The following ABL1 variants were observed in gnomAD, a reference collection of about 807,000 sequenced individuals.
The protein encoded by ABL1 is ABL proto-oncogene 1, non-receptor tyrosine kinase.
ABL1 carries 11 observed loss-of-function variants against 94.7 expected under a neutral mutation model. The observed-to-expected ratio is 0.12, with a 90% confidence interval of 0.07 to 0.19. The LOEUF (loss-of-function observed/expected upper bound fraction) is 0.19, where lower values mean the gene tolerates loss of function less well. Among genes scored for constraint, ABL1 ranks in the 10% least tolerant of loss-of-function variants. The pLI is 1.00. For synonymous variants in ABL1, 656 were observed against 622.4 expected (o/e 1.05, Z -0.80); for missense variants, 1,082 against 1,489.4 (o/e 0.73, Z 4.50).
rs373909344 is a variant in ABL1 at position 130,813,722 on chromosome 9, G to T, written c.137-40342G>T. Among the ~76,000 whole-genome samples, 88 of 152,308 alleles carry T rather than the reference G, an allele frequency of 5.8e-4. 2 individuals carry two copies. The highest frequency in any genetic ancestry group is 1.9e-3 in the African/African-American group (79 of 41,576). On this transcript the variant is annotated intron_variant, in intron 1 of 10. Coordinates refer to the ABL1 transcript ENST00000372348. ...TCAAAGAAAATCAACAGCGAAGTAAGTAAGTATCTGGAACTGAATGAAGGT... is the reference window on the plus strand; with the variant it reads ...TCAAAGAAAATCAACAGCGAAGTAATTAAGTATCTGGAACTGAATGAAGGT...
chr9:130,751,385 C>T (rs1831965195), intron 1 of ABL1, among the ~76,000 whole-genome samples: 1 of 151,818 alleles, frequency 6.6e-6, no homozygotes, highest in African/African-American at 2.4e-5. Context: ...TCAGGTGATC[C>T]ACCTGCCTTG....
chr9:130,802,117 G>A (rs551463797), intron 1 of ABL1, among the ~76,000 whole-genome samples: 78 of 110,894 alleles, frequency 7.0e-4, no homozygotes, highest in Non-Finnish European at 8.4e-4. Context: ...TTTTGAAATG[G>A]TCTCTCTCTG....
At chr9:130,805,038 G>T (rs915523328) in intron 1 of ABL1, among the ~76,000 whole-genome samples, 1 of 152,142 alleles carries the variant, frequency 6.6e-6, no homozygotes, top group African/African-American at 2.4e-5. Flanking sequence ...TGTCTTTTAA[G>T]TGAATAATCT....
chr9:130,854,354 A>G, intron 2 of ABL1, 117 bp downstream of exon 2: 3 of 1,197,952 alleles, frequency 2.5e-6, no homozygotes, highest in Non-Finnish European at 3.5e-6. Flanking sequence ...GACTGCAGGG[A>G]TATCCAAAAC....
At position 130,886,027 on chromosome 9, in the gene ABL1, TG is replaced by T; in HGVS notation, c.*346del. The T allele has an allele frequency of 3.3e-6, 1 of 299,492 alleles. No homozygotes were observed. Among genetic ancestry groups the T allele is most frequent in the South Asian group, 9.9e-5 (1 of 10,096 alleles). 18.6% of individuals were successfully genotyped at this position (299,492 alleles called of 1,614,324 possible). A position where few individuals can be genotyped will look rare whatever the true frequency, so the allele number is the denominator to read the frequency against. On this transcript the variant is annotated 3_prime_UTR_variant, in exon 11 of 11. Transcript: ENST00000318560. Reference sequence around the variant, plus strand: ...CCAGGCCAGGTGGGAACGGCTGATGTGGACTGTCTTTTTCATTTTTTTCTCT... The same window carrying T: ...CCAGGCCAGGTGGGAACGGCTGATGTGACTGTCTTTTTCATTTTTTTCTCT...
intron 1 of ABL1, among the ~76,000 whole-genome samples, chr9:130,803,771 T>C (rs761406034): frequency 6.6e-6 from 1 of 152,226 alleles, no homozygotes; most frequent in Non-Finnish European, 1.5e-5. Context: ...TGGACCTTTT[T>C]CCTAATTAGA....
chr9:130,750,777 G>C (rs933124352), intron 1 of ABL1, among the ~76,000 whole-genome samples: 3 of 150,476 alleles, frequency 2.0e-5, no homozygotes, highest in Non-Finnish European at 3.0e-5. Flanking sequence ...CTCCCGAGTA[G>C]CTGGGATTAC....
In ABL1 at chr9:130,864,274, C is replaced by A. The variant is rs573085587; in HGVS notation, c.822+1239C>A. Reference sequence around the variant, plus strand: ...TTCTTTTCTTTTTTTGAGACGGAGTCTTACTCTGTTGCCTAGGCTGGAGTG... The same window carrying A: ...TTCTTTTCTTTTTTTGAGACGGAGTATTACTCTGTTGCCTAGGCTGGAGTG... On this transcript the variant is annotated intron_variant, in intron 4 of 10. Transcript: ENST00000318560. 9.9e-4 allele frequency among the ~76,000 whole-genome samples: 150 copies of A among 152,240 alleles called. 1 individual carries two copies. Among genetic ancestry groups the A allele is most frequent in the African/African-American group, 3.3e-3 (137 of 41,546 alleles).
chr9:130,822,380 C>T (rs893277097), intron 1 of ABL1, among the ~76,000 whole-genome samples: 5 of 151,786 alleles, frequency 3.3e-5, no homozygotes, highest in African/African-American at 1.2e-4. Context: ...GTGAGTGTTC[C>T]AGTTTTTCCA....
intron 1 of ABL1, among the ~76,000 whole-genome samples, chr9:130,843,761 T>C (rs1830715077): frequency 6.6e-6 from 1 of 151,928 alleles, no homozygotes; most frequent in South Asian, 2.1e-4. Context: ...TAAATGGCAC[T>C]TGTCACAGTG....
In ABL1 at chr9:130,885,744, C is replaced by G. The variant is rs1831569996; in HGVS notation, c.*61C>G. ...CTGCCTGCAGCACATGCGGGCTCGCCCATACCCGTGACAGTGGCTGACAAG... is the reference window on the plus strand; with the variant it reads ...CTGCCTGCAGCACATGCGGGCTCGCGCATACCCGTGACAGTGGCTGACAAG... On this transcript the variant is annotated 3_prime_UTR_variant, in exon 11 of 11. Coordinates refer to ENST00000318560, the MANE Select transcript of ABL1 (RefSeq NM_005157.6). The G allele has an allele frequency of 3.2e-6, 5 of 1,544,158 alleles. 1 individual carries two copies. The South Asian group carries it at 6.4e-5, about 20-fold the overall frequency.
chr9:130,808,251 T>TCTTCTTC, intron 1 of ABL1, among the ~76,000 whole-genome samples: 1 of 149,956 alleles, frequency 6.7e-6, no homozygotes, highest in South Asian at 2.1e-4. Context: ...CTTCTTCTTT[T>TCTTCTTC]TTTTTTTTTT....
chr9:130,785,180 G>GT (rs1176576386), intron 1 of ABL1, among the ~76,000 whole-genome samples: 7 of 152,350 alleles, frequency 4.6e-5, no homozygotes, highest in African/African-American at 1.7e-4. Context: ...CAAGGTCATG[G>GT]TGGGAGGAGG....
intron 1 of ABL1, among the ~76,000 whole-genome samples, chr9:130,837,540 C>G (rs1830607278): frequency 6.8e-6 from 1 of 146,150 alleles, no homozygotes; most frequent in Non-Finnish European, 1.5e-5. Context: ...AATGTTGACT[C>G]TAAAGTCTCA....
chr9:130,843,620 A>G (rs935736560), intron 1 of ABL1, among the ~76,000 whole-genome samples: 3 of 151,996 alleles, frequency 2.0e-5, no homozygotes, highest in African/African-American at 7.2e-5. Context: ...AGGTACCCAA[A>G]TGGGTTAAAG....
At position 130,818,955 on chromosome 9, in the gene ABL1, G is replaced by A. The variant is rs147448757; in HGVS notation, c.137-35109G>A. ...CTCTGGGCCCCTGTAGCTGTTGTGCGTATGTTTATTATTGAGTTTTTCTGG... is the reference window on the plus strand; with the variant it reads ...CTCTGGGCCCCTGTAGCTGTTGTGCATATGTTTATTATTGAGTTTTTCTGG... On this transcript the variant is annotated intron_variant, in intron 1 of 10. Coordinates refer to the ABL1 transcript ENST00000372348. 1.9e-3 allele frequency among the ~76,000 whole-genome samples: 288 copies of A among 152,260 alleles called. 2 individuals are homozygous for A. Among genetic ancestry groups the A allele is most frequent in the African/African-American group, 6.7e-3 (277 of 41,550 alleles).
chr9:130,861,074 T>G (rs1831063931), intron 3 of ABL1, among the ~76,000 whole-genome samples: 1 of 152,160 alleles, frequency 6.6e-6, no homozygotes, highest in African/African-American at 2.4e-5. Flanking sequence ...ACTCAGAGGC[T>G]TCTCTTCCGT....
At chr9:130,873,161 C>A in intron 6 of ABL1, 124 bp downstream of exon 6, 2 of 1,019,936 alleles carry the variant, frequency 2.0e-6, no homozygotes, top group Non-Finnish European at 2.8e-6. Flanking sequence ...GCTGGCAACA[C>A]ATTGGACCTT....
At position 130,872,774 on chromosome 9, in the gene ABL1, T is replaced by C; in HGVS notation, c.908-86T>C. On this transcript the variant is annotated intron_variant, in intron 5 of 10. Transcript: ENST00000318560. This position sits in a 1 kb window ranked among gnomAD's most constrained non-coding sequence, Gnocchi z 5.0. ...CCAGGACTGAGGAGCAGAGTCAGAA[T>C]CCTTCAGAAGGCTTTTTCTTTAGAC... The C allele has an allele frequency of 4.3e-6, 6 of 1,402,912 alleles. No homozygotes were observed. In the South Asian group the frequency reaches 8.2e-5, roughly 19 times the overall value. The allele number at this position is 1,402,912 out of a possible 1,614,324, so 86.9% of individuals were successfully genotyped here.
Sources: gnomAD v4.1 joint callset for allele counts (sites outside exome capture counted in the v4.1 genomes callset) on GRCh38, gnomAD v4.1.1 for gene constraint, Gnocchi (gnomAD v3.1) non-coding constraint, MANE v1.5 for transcripts, NCBI Gene and HGNC (gene_info 2026-07-23, HGNC 2026-07-21) for gene names.